The following SHFL variants were observed in gnomAD, a reference collection of about 807,000 sequenced individuals.
The protein encoded by SHFL is shiftless antiviral inhibitor of ribosomal frameshifting.
Under a neutral mutation model 34.7 loss-of-function variants are expected in SHFL, and 12 were observed. The observed-to-expected ratio is 0.35, with a 90% CI of 0.22 to 0.56. The LOEUF (loss-of-function observed/expected upper bound fraction) is 0.56, where lower values mean the gene tolerates loss of function less well. Ranked by LOEUF, SHFL falls within the 20% of genes least tolerant of loss-of-function variation. The probability of loss-of-function intolerance (pLI) is 0.88; values close to 1 mark genes in which losing one functional copy is unlikely to be tolerated. For synonymous variants in SHFL, 148 were observed against 156.0 expected (o/e 0.95, Z 0.38); for missense variants, 278 against 411.1 (o/e 0.68, Z 2.80).
chr19:10,091,579 C>T lies in SHFL; in HGVS notation c.592C>T (p.Arg198Cys), dbSNP rs992767149. The T allele has an allele frequency of 1.1e-5, 17 of 1,551,514 alleles. No individual in the cohort carries two copies. Among genetic ancestry groups the T allele is most frequent in the Admixed American group, 2.0e-5 (1 of 51,002 alleles). Reference protein sequence around the residue: ...PPRWDRDPDRRSTHTHSCSAA... With the variant: ...PPRWDRDPDRCSTHTHSCSAA... ...GCGCTGGGACCGGGACCCGGATCGC[C>T]GCAGCACCCACACTCACTCCTGCTC... The change falls in exon 7 of 8, where the codon CGC (arginine) becomes TGC (cysteine). Residue 198 changes from arginine to cysteine, a missense_variant. Coordinates refer to ENST00000253110, the MANE Select transcript of SHFL (RefSeq NM_018381.4). The surrounding 1 kb of genome is among the most constrained non-coding windows in gnomAD (Gnocchi z 8.2).
rs2088393605 is a variant in SHFL, at chr19:10,091,685, T to C, written c.643+55T>C. On this transcript the variant is annotated intron_variant, in intron 7 of 7. Transcript: ENST00000253110. This position sits in a 1 kb window ranked among gnomAD's most constrained non-coding sequence, Gnocchi z 8.2. ...CAGTCTTTGTCCCCTTCTGTGCCTT[T>C]AAGTCCCCAAATCTCCACTCAGTCC... is the stretch of plus-strand genomic sequence containing the variant. 2 of 1,485,466 alleles carry C rather than the reference T, an allele frequency of 1.3e-6. No individual in the cohort carries two copies. The highest frequency in any genetic ancestry group is 2.3e-5 in the Admixed American group (1 of 42,978). The allele number at this position is 1,485,466 out of a possible 1,614,324, so 92.0% of individuals were successfully genotyped here. A position where few individuals can be genotyped will look rare whatever the true frequency, so the allele number is the denominator to read the frequency against.
At chr19:10,089,617 A>G in intron 3 of SHFL, 40 bp from the exon 4 acceptor site, 2 of 1,569,970 alleles carry the variant, frequency 1.3e-6, no homozygotes, top group South Asian at 1.2e-5. Flanking sequence ...AAGAGGCCTG[A>G]GCCCCATCCC....
intron 3 of SHFL, chr19:10,087,538 G>A: frequency 1.7e-6 from 1 of 579,772 alleles, no homozygotes; most frequent in Non-Finnish European, 3.1e-6. Context: ...AGAGAGCCAT[G>A]AAACTAAGCA....
chr19:10,090,333 C>A, intron 5 of SHFL: 1 of 411,164 alleles, frequency 2.4e-6, no homozygotes. Context: ...CGCAGTGGCT[C>A]ATGGCTGCAA....
In SHFL at chr19:10,086,737, C is replaced by T; in HGVS notation, c.22-192C>T. 5 of 706,804 alleles carry T rather than the reference C, an allele frequency of 7.1e-6. No homozygotes were observed. The highest frequency in any genetic ancestry group is 9.2e-6 in the Non-Finnish European group (4 of 432,628). The allele number at this position is 706,804 out of a possible 1,614,324, so 43.8% of individuals were successfully genotyped here. On this transcript the variant is annotated intron_variant, in intron 1 of 7. Coordinates refer to ENST00000253110, the MANE Select transcript of SHFL (RefSeq NM_018381.4). This position sits in a 1 kb window ranked among gnomAD's most constrained non-coding sequence, Gnocchi z 5.2. ...AGGCTGGGACGCTCGCCCCAGTCCGCGCCTTCCCCCAACGCCCTGTGGGGA... is the reference window on the plus strand; with the variant it reads ...AGGCTGGGACGCTCGCCCCAGTCCGTGCCTTCCCCCAACGCCCTGTGGGGA...
chr19:10,089,763 T>C, intron 4 of SHFL, 68 bp downstream of exon 4: 1 of 1,561,952 alleles, frequency 6.4e-7, no homozygotes, highest in African/African-American at 1.4e-5. Flanking sequence ...CAGAAGGATG[T>C]CCATTAGGGC....
chr19:10,089,784 A>C, intron 4 of SHFL, 89 bp downstream of exon 4: 1 of 1,554,996 alleles, frequency 6.4e-7, no homozygotes, highest in Non-Finnish European at 8.7e-7. Context: ...AGGAGGGGAG[A>C]TATTCACTGG....
chr19:10,089,803 G>A (rs1232598592), intron 4 of SHFL, 95 bp from the exon 5 acceptor site: 7 of 1,559,030 alleles, frequency 4.5e-6, no homozygotes, highest in Non-Finnish European at 6.1e-6. Flanking sequence ...GGGGCAGGAA[G>A]AGGACTCGTC....
intron 3 of SHFL, 74 bp downstream of exon 3, chr19:10,087,374 T>C (rs1466024591): frequency 1.3e-6 from 2 of 1,520,872 alleles, no homozygotes; most frequent in Non-Finnish European, 1.8e-6. Context: ...GACCCGTTCA[T>C]GGTGACTGAC....
In SHFL at chr19:10,087,021, C is replaced by T. The variant is rs780635544; in HGVS notation, c.114C>T (p.Asp38=). 8.7e-6 allele frequency: 14 copies of T among 1,612,952 alleles called. No homozygotes were observed. The highest frequency in any genetic ancestry group is 1.2e-5 in the Non-Finnish European group (14 of 1,179,482). ...CTCTGATGAGGAAATTCGGCAGCGA[C>T]CACACGGGAGTGGGGCGCTCCATCG... ...AGALMRKFGS[D]HTGVGRSIVY... The change falls in exon 2 of 8, where the codon GAC becomes GAT. Residue 38 remains aspartate, a synonymous_variant. Coordinates refer to ENST00000253110, the MANE Select transcript of SHFL (RefSeq NM_018381.4).
intron 3 of SHFL, chr19:10,089,421 C>T: frequency 6.3e-7 from 1 of 1,589,794 alleles, no homozygotes; most frequent in Non-Finnish European, 8.5e-7. Flanking sequence ...GCAAGCCCTC[C>T]CCTAAGCCTC....
rs377159932 is a variant in SHFL, at chr19:10,091,993, G to A, written c.644-77G>A. ...GGTCTCAGCTCCTCCCTAGAGCCCC[G>A]CGTGGCCTAAGTCCCCTCCTCCCCA... On this transcript the variant is annotated intron_variant, in intron 7 of 7. Coordinates refer to ENST00000253110, the MANE Select transcript of SHFL (RefSeq NM_018381.4). The surrounding 1 kb of genome is among the most constrained non-coding windows in gnomAD (Gnocchi z 8.2). The A allele has an allele frequency of 3.7e-5, 58 of 1,578,460 alleles. No homozygotes were observed. Among genetic ancestry groups the A allele is most frequent in the Middle Eastern group, 1.7e-4 (1 of 5,906 alleles).
chr19:10,089,092 A>C (rs1229397074), intron 3 of SHFL: 2 of 596,468 alleles, frequency 3.4e-6, no homozygotes, highest in South Asian at 4.0e-5. Flanking sequence ...AGGTCCTATT[A>C]TTTATCCCCA....
In SHFL at chr19:10,086,385, C is replaced by T. The variant is rs1239120847; in HGVS notation, c.-43C>T. 4.7e-6 allele frequency: 6 copies of T among 1,283,936 alleles called. No homozygotes were observed. The highest frequency in any genetic ancestry group is 2.3e-4 in the Middle Eastern group (1 of 4,376). 79.5% of individuals were successfully genotyped at this position (1,283,936 alleles called of 1,614,324 possible). A position where few individuals can be genotyped will look rare whatever the true frequency, so the allele number is the denominator to read the frequency against. ...GCACCCAGGTAGGGGGGCGGCTGAGCCGCGCAGTGCGGACCCTCGCGGGGA... is the reference window on the plus strand; with the variant it reads ...GCACCCAGGTAGGGGGGCGGCTGAGTCGCGCAGTGCGGACCCTCGCGGGGA... On this transcript the variant is annotated 5_prime_UTR_variant, in exon 1 of 8. Transcript: ENST00000253110. The surrounding 1 kb of genome is among the most constrained non-coding windows in gnomAD (Gnocchi z 5.2).
In SHFL at chr19:10,092,736, G is replaced by A; in HGVS notation, c.*434G>A. On this transcript the variant is annotated 3_prime_UTR_variant, in exon 8 of 8. Transcript: ENST00000253110. ...CACCGTTGAGGTTGGAGTGGGCACA[G>A]GCATGGTACCACCAGCCTCCCCGCT... 1 of 1,612,118 alleles carries A rather than the reference G, an allele frequency of 6.2e-7. No individual in the cohort carries two copies. The highest frequency in any genetic ancestry group is 1.3e-5 in the African/African-American group (1 of 74,992).
Position 10,087,274 on chromosome 19 carries a change from G to C in SHFL, c.169G>C (p.Glu57Gln). The change falls in exon 3 of 8, where the codon GAA (glutamate) becomes CAA (glutamine). Residue 57 changes from glutamate (E) to glutamine (Q), a missense_variant. Coordinates refer to ENST00000253110, the MANE Select transcript of SHFL (RefSeq NM_018381.4). Reference protein sequence around the residue: ...VYGVKQKDGQELSNDLDAQDP... With the variant: ...VYGVKQKDGQQLSNDLDAQDP... Reference sequence around the variant, plus strand: ...AGGGGTAAAGCAAAAAGATGGCCAAGAACTAAGTAACGATCTGGATGCCCA... The same window carrying C: ...AGGGGTAAAGCAAAAAGATGGCCAACAACTAAGTAACGATCTGGATGCCCA... 1.2e-6 allele frequency: 2 copies of C among 1,614,072 alleles called. No homozygotes were observed. Among genetic ancestry groups the C allele is most frequent in the Non-Finnish European group, 1.7e-6 (2 of 1,179,902 alleles).
At position 10,089,877 on chromosome 19, in the gene SHFL, C is replaced by T. The variant is rs760417964; in HGVS notation, c.235-21C>T. Reference sequence around the variant, plus strand: ...AGGGGTGACACCCCCCCACCTCATCCCCACCTGCCCCATTCCACAGGCAGT... The same window carrying T: ...AGGGGTGACACCCCCCCACCTCATCTCCACCTGCCCCATTCCACAGGCAGT... On this transcript the variant is annotated intron_variant, in intron 4 of 7. Coordinates refer to ENST00000253110, the MANE Select transcript of SHFL (RefSeq NM_018381.4). The T allele has an allele frequency of 1.9e-6, 3 of 1,608,368 alleles. No homozygotes were observed. The South Asian group carries it at 3.4e-5, about 18-fold the overall frequency.
At position 10,092,334 on chromosome 19, in the gene SHFL, G is replaced by C; in HGVS notation, c.*32G>C. 6.4e-7 allele frequency: 1 copy of C among 1,552,776 alleles called. No homozygotes were observed. The highest frequency in any genetic ancestry group is 8.7e-7 in the Non-Finnish European group (1 of 1,149,336). ...CCAGGTGCAGATACAAACCAGACAC[G>C]GTCTGTGGCTACTTTGTGTTATTAT... On this transcript the variant is annotated 3_prime_UTR_variant, in exon 8 of 8. Transcript: ENST00000253110.
intron 2 of SHFL, 96 bp from the exon 3 acceptor site, chr19:10,087,155 C>T: frequency 1.3e-6 from 2 of 1,591,700 alleles, no homozygotes; most frequent in East Asian, 2.3e-5. Flanking sequence ...CCCGGAGGTC[C>T]CAGCCTTGGG....
Sources: allele counts gnomAD v4.1 joint callset, GRCh38; gene constraint gnomAD v4.1.1; non-coding constraint Gnocchi (gnomAD v3.1); transcripts MANE v1.5; gene names NCBI Gene and HGNC (gene_info 2026-07-23, HGNC 2026-07-21).